Variants in SDCCAG8 observed in about 807,000 individuals in gnomAD.
The protein encoded by SDCCAG8 is SHH signaling and ciliogenesis regulator SDCCAG8, also known as serologically defined colon cancer antigen 8.
A neutral mutation model predicts 101.8 loss-of-function variants in SDCCAG8; 74 were observed. The ratio of observed to expected loss-of-function variants is 0.73; its 90% CI spans 0.60 to 0.88. SDCCAG8 has a LOEUF of 0.88. Among genes scored for constraint, SDCCAG8 ranks in the 40% least tolerant of loss-of-function variants. SDCCAG8 has a pLI of 0.00. For synonymous variants in SDCCAG8, 281 were observed against 292.9 expected (o/e 0.96, Z 0.41); for missense variants, 787 against 822.6 (o/e 0.96, Z 0.53).
chr1:243,351,594 A>G (rs1313232659), intron 12 of SDCCAG8, among the ~76,000 whole-genome samples: 2 of 152,248 alleles, frequency 1.3e-5, no homozygotes, highest in Admixed American at 1.3e-4. Context: ...AGCATTGTTC[A>G]GCATACTTAG....
chr1:243,275,122 A>T (rs1230250020), intron 4 of SDCCAG8, among the ~76,000 whole-genome samples: 1 of 152,142 alleles, frequency 6.6e-6, no homozygotes, highest in African/African-American at 2.4e-5. Flanking sequence ...TTCATAGGGT[A>T]CTGACAGTAA....
rs1231459714 is a variant in SDCCAG8 at position 243,499,650 on chromosome 1, C to CCAA, written c.2113-100_2113-98dup. 4.3e-6 allele frequency: 4 copies of CCAA among 933,054 alleles called. No homozygotes were observed. The African/African-American group carries it at 6.6e-5, about 15-fold the overall frequency. The allele number at this position is 933,054 out of a possible 1,614,324, so 57.8% of individuals were successfully genotyped here. ...CATTTTTAGCAACAGGTTTTTTTCT[C>CCAA]CAACAACAGTTTTCATCATAAAAGG... On this transcript the variant is annotated intron_variant, in intron 17 of 17. Transcript: ENST00000366541.
chr1:243,318,337 A>G (rs571564235), intron 9 of SDCCAG8, among the ~76,000 whole-genome samples: 35 of 152,324 alleles, frequency 2.3e-4, no homozygotes, highest in African/African-American at 8.2e-4. Flanking sequence ...GAAACCACAG[A>G]CAGTGGCATC....
chr1:243,377,375 T>A (rs181954662), intron 12 of SDCCAG8, among the ~76,000 whole-genome samples: 29 of 152,094 alleles, frequency 1.9e-4, no homozygotes, highest in African/African-American at 7.0e-4. Context: ...ATTGGAAATA[T>A]ATGGGTATAA....
intron 13 of SDCCAG8, among the ~76,000 whole-genome samples, chr1:243,407,789 C>T (rs1263180942): frequency 6.6e-6 from 1 of 152,132 alleles, no homozygotes; most frequent in Non-Finnish European, 1.5e-5. Context: ...GCTTGAAGTT[C>T]TGACATACTT....
At chr1:243,419,851 A>G (rs1315969466) in intron 15 of SDCCAG8, among the ~76,000 whole-genome samples, 3 of 152,190 alleles carry the variant, frequency 2.0e-5, no homozygotes, top group Non-Finnish European at 2.9e-5. Flanking sequence ...TGTAACGGTT[A>G]ACTTACTCTG....
At chr1:243,465,598 C>T (rs2148173272) in intron 16 of SDCCAG8, among the ~76,000 whole-genome samples, 1 of 152,344 alleles carries the variant, frequency 6.6e-6, no homozygotes, top group South Asian at 2.1e-4. Context: ...GTCTTTCACA[C>T]AGCCTCTGTT....
In SDCCAG8 at chr1:243,499,633, G is replaced by C. The variant is rs1266896691; in HGVS notation, c.2113-123G>C. ...TTTTCATATAATTTCCACATTTTTA[G>C]CAACAGGTTTTTTTCTCCAACAACA... On this transcript the variant is annotated intron_variant, in intron 17 of 17. Coordinates refer to ENST00000366541, the MANE Select transcript of SDCCAG8 (RefSeq NM_006642.5). The C allele has an allele frequency of 6.4e-6, 5 of 784,110 alleles. No homozygotes were observed. In the Admixed American group the frequency reaches 8.0e-5, roughly 13 times the overall value. The allele number at this position is 784,110 out of a possible 1,614,324, so 48.6% of individuals were successfully genotyped here.
chr1:243,421,668 G>A (rs947246528), intron 15 of SDCCAG8, among the ~76,000 whole-genome samples: 1 of 152,120 alleles, frequency 6.6e-6, no homozygotes, highest in East Asian at 1.9e-4. Flanking sequence ...TGTGCATGTT[G>A]TATAGCTTGT....
intron 16 of SDCCAG8, among the ~76,000 whole-genome samples, chr1:243,451,230 T>C (rs915315170): frequency 2.0e-5 from 3 of 152,230 alleles, no homozygotes; most frequent in African/African-American, 7.2e-5. Flanking sequence ...AGCATCTCCT[T>C]GAGTTTCCCT....
intron 13 of SDCCAG8, among the ~76,000 whole-genome samples, chr1:243,389,150 T>TCCCCCCC (rs373392073): frequency 8.6e-6 from 1 of 116,702 alleles, no homozygotes. Flanking sequence ...CTGTCCCCCC[T>TCCCCCCC]CCCCCCCCCA....
chr1:243,465,260 A>G (rs1659900561), intron 16 of SDCCAG8, among the ~76,000 whole-genome samples: 1 of 152,218 alleles, frequency 6.6e-6, no homozygotes, highest in Non-Finnish European at 1.5e-5. Context: ...AACACCTCCC[A>G]TGATAGGCCT....
At chr1:243,347,065 C>G (rs2075760110) in intron 12 of SDCCAG8, among the ~76,000 whole-genome samples, 1 of 152,096 alleles carries the variant, frequency 6.6e-6, no homozygotes, top group African/African-American at 2.4e-5. Context: ...AGTCCTCCTC[C>G]TCAATCCTAT....
chr1:243,333,104 A>G (rs1445661685), intron 10 of SDCCAG8, among the ~76,000 whole-genome samples: 1 of 152,182 alleles, frequency 6.6e-6, no homozygotes, highest in Non-Finnish European at 1.5e-5. Context: ...TCCATGCCTT[A>G]AAATAAATTT....
chr1:243,282,088 A>G lies in SDCCAG8; in HGVS notation c.421-4184A>G, dbSNP rs776217037. Among the ~76,000 whole-genome samples, 9 of 152,104 alleles carry G rather than the reference A, an allele frequency of 5.9e-5. No individual in the cohort carries two copies. In the South Asian group the frequency reaches 1.0e-3, roughly 17 times the overall value. On this transcript the variant is annotated intron_variant, in intron 4 of 17. Transcript: ENST00000366541. Reference sequence around the variant, plus strand: ...AACCTCTGCCTCCTGGGTTCAATCAATTCTCATGCCTCAGCCTTCCTAGTA... The same window carrying G: ...AACCTCTGCCTCCTGGGTTCAATCAGTTCTCATGCCTCAGCCTTCCTAGTA...
intron 12 of SDCCAG8, among the ~76,000 whole-genome samples, chr1:243,368,099 CCAG>C (rs1344753963): frequency 6.6e-6 from 1 of 151,752 alleles, no homozygotes; most frequent in Non-Finnish European, 1.5e-5. Context: ...ACGTGTAGTC[CCAG>C]CTACTTGGGA....
At position 243,426,484 on chromosome 1, in the gene SDCCAG8, G is replaced by T; in HGVS notation, c.1911G>T (p.Lys637Asn). ...GGTATACATATGATAAATTGGGAAA[G>T]TTACAGAGAAGAAATGAAGAATTGG... ...EKRYTYDKLG[K>N]LQRRNEELEE... The change falls in exon 16 of 18, where the codon AAG (lysine) becomes AAT (asparagine). Residue 637 changes from lysine (K) to asparagine (N), a missense_variant. By Grantham distance (94) the Lys-to-Asn change is moderately conservative. Coordinates refer to ENST00000366541, the MANE Select transcript of SDCCAG8 (RefSeq NM_006642.5). The T allele has an allele frequency of 6.2e-7, 1 of 1,613,928 alleles. No individual in the cohort carries two copies. Among genetic ancestry groups the T allele is most frequent in the Non-Finnish European group, 8.5e-7 (1 of 1,179,868 alleles).
chr1:243,426,924 A>G (rs983662861), intron 16 of SDCCAG8, among the ~76,000 whole-genome samples: 1 of 152,246 alleles, frequency 6.6e-6, no homozygotes, highest in East Asian at 1.9e-4. Flanking sequence ...GGTAAAGCAC[A>G]TAGTAGGTCT....
intron 1 of SDCCAG8, among the ~76,000 whole-genome samples, chr1:243,266,321 CTTT>C (rs570185322): frequency 7.0e-6 from 1 of 141,984 alleles, no homozygotes. Flanking sequence ...TTTTCTTTTT[CTTT>C]TTTTTTTTTT....
Sources: allele counts gnomAD v4.1 joint callset (sites outside exome capture counted in the v4.1 genomes callset), GRCh38; gene constraint gnomAD v4.1.1; transcripts MANE v1.5; gene names NCBI Gene and HGNC (gene_info 2026-07-23, HGNC 2026-07-21).